Variants in PSD observed in about 807,000 individuals in gnomAD.
The protein encoded by PSD is pleckstrin and Sec7 domain containing, also known as PH and SEC7 domain-containing protein 1.
In PSD, 32 loss-of-function variants were observed where a neutral mutation model predicts 91.6. The ratio of observed to expected loss-of-function variants is 0.35; its 90% CI spans 0.26 to 0.47. The LOEUF is 0.47. Ranked by LOEUF, PSD falls within the 20% of genes least tolerant of loss-of-function variation. PSD has a pLI of 1.00. For missense variants in PSD, 1,099 were observed against 1,373.9 expected (o/e 0.80, Z 3.16); for synonymous variants, 532 against 569.3 (o/e 0.93, Z 0.93).
At position 102,404,825 on chromosome 10, in the gene PSD, TC is replaced by T; in HGVS notation, c.2555+72del. On this transcript the variant is annotated intron_variant, in intron 14 of 16. Coordinates refer to ENST00000020673, the MANE Select transcript of PSD (RefSeq NM_002779.5). This position sits in a 1 kb window ranked among gnomAD's most constrained non-coding sequence, Gnocchi z 5.7. Reference sequence around the variant, plus strand: ...TGTGGCCTGAGAAGGAATGAAAAAATCCAGGGACAGGGAGGGGAGCAGGATG... The same window carrying T: ...TGTGGCCTGAGAAGGAATGAAAAAATCAGGGACAGGGAGGGGAGCAGGATG... The T allele has an allele frequency of 6.4e-7, 1 of 1,574,176 alleles. No homozygotes were observed. Among genetic ancestry groups the T allele is most frequent in the African/African-American group, 1.4e-5 (1 of 72,946 alleles).
chr10:102,417,060 G>C lies in PSD; in HGVS notation c.-22C>G, dbSNP rs755781441. 9 of 1,481,924 alleles carry C rather than the reference G, an allele frequency of 6.1e-6. No individual in the cohort carries two copies. The highest frequency in any genetic ancestry group is 5.4e-6 in the Non-Finnish European group (6 of 1,102,880). The allele number at this position is 1,481,924 out of a possible 1,614,324, so 91.8% of individuals were successfully genotyped here. A position where few individuals can be genotyped will look rare whatever the true frequency, so the allele number is the denominator to read the frequency against. On this transcript the variant is annotated 5_prime_UTR_variant, in exon 2 of 17. Coordinates refer to ENST00000020673, the MANE Select transcript of PSD (RefSeq NM_002779.5). ...CCATGCTGGGGCCGGGGGTCAGGCT[G>C]GGGGGGCAGGGATGGCGAGGCCAGG...
At chr10:102,415,954 T>C in intron 3 of PSD, 63 bp downstream of exon 3, 8 of 1,309,154 alleles carry the variant, frequency 6.1e-6, no homozygotes. Flanking sequence ...GGCTCCCTAC[T>C]GAGCCTCAGC....
At position 102,416,910 on chromosome 10, in the gene PSD, T is replaced by C; in HGVS notation, c.129A>G (p.Thr43=). The part of the protein sequence containing the change: ...QSPPASMYGS[T]GSLLRRVAGP... ...CTGCCACTCGCCGTAGCAAGGAGCC[T>C]GTGCTGCCATACATGCTGGCTGGGG... Residue 43 remains threonine (T), a synonymous_variant, in exon 2 of 17, where the codon ACA becomes ACG. Transcript: ENST00000020673. The surrounding 1 kb of genome is among the most constrained non-coding windows in gnomAD (Gnocchi z 6.0). 1 of 1,607,548 alleles carries C rather than the reference T, an allele frequency of 6.2e-7. No homozygotes were observed. Among genetic ancestry groups the C allele is most frequent in the East Asian group, 2.2e-5 (1 of 44,846 alleles).
rs779749956 is a variant in PSD, at chr10:102,415,213, C to T, written c.774G>A (p.Glu258=). The T allele has an allele frequency of 3.7e-6, 6 of 1,609,590 alleles. No individual in the cohort carries two copies. Among genetic ancestry groups the T allele is most frequent in the Admixed American group, 1.7e-5 (1 of 59,946 alleles). The change falls in exon 4 of 17, where the codon GAG becomes GAA. Residue 258 remains glutamate (E), a synonymous_variant. Transcript: ENST00000020673. ...DPPSSGAKPP[E]QAPPSPPGVG... ...CCCCAGGTGGAGATGGGGGGGCCTG[C>T]TCTGGGGGCTTAGCACCTGTAGTGT...
intron 5 of PSD, among the ~76,000 whole-genome samples, 167 bp from the exon 6 acceptor site, chr10:102,412,742 C>T (rs2061437038): frequency 6.6e-6 from 1 of 152,156 alleles, no homozygotes; most frequent in African/African-American, 2.4e-5. Context: ...CTCCATCAGC[C>T]TACTCCATCA....
Position 102,405,818 on chromosome 10 carries a change from T to A in PSD, c.2136-282A>T. 1 of 380,534 alleles carries A rather than the reference T, an allele frequency of 2.6e-6. No homozygotes were observed. Among genetic ancestry groups the A allele is most frequent in the Non-Finnish European group, 4.8e-6 (1 of 207,810 alleles). 23.6% of individuals were successfully genotyped at this position (380,534 alleles called of 1,614,324 possible). ...ACTATCCTCTCCATTGCTGCACACC[T>A]GCAGCCCTCACACCCTTCTCCACCA... is the stretch of plus-strand genomic sequence containing the variant. On this transcript the variant is annotated intron_variant, in intron 11 of 16. Transcript: ENST00000020673. The surrounding 1 kb of genome is among the most constrained non-coding windows in gnomAD (Gnocchi z 5.4).
chr10:102,411,144 G>T, intron 8 of PSD, 28 bp from the exon 9 acceptor site: 1 of 1,586,876 alleles, frequency 6.3e-7, no homozygotes, highest in Non-Finnish European at 8.6e-7. Context: ...TTCAGCCTTG[G>T]CTGCCTCCCA....
Position 102,416,411 on chromosome 10 carries a change from G to A in PSD, c.628C>T (p.Pro210Ser). The part of the protein sequence containing the change: ...PERLATLFGG[P>S]ADTGFLNQGD... ...TGGTTCAGGAATCCAGTGTCAGCAG[G>A]TCCTCCGAAGAGTGTGGCCAGGCGC... Residue 210 changes from proline (P) to serine (S), a missense_variant, in exon 2 of 17, where the codon CCT becomes TCT. Pro to Ser is a moderately conservative substitution (Grantham distance 74). Coordinates refer to ENST00000020673, the MANE Select transcript of PSD (RefSeq NM_002779.5). This position sits in a 1 kb window ranked among gnomAD's most constrained non-coding sequence, Gnocchi z 6.0. 1.2e-6 allele frequency: 2 copies of A among 1,606,680 alleles called. No individual in the cohort carries two copies. Among genetic ancestry groups the A allele is most frequent in the Admixed American group, 1.7e-5 (1 of 58,438 alleles).
chr10:102,404,967 T>C lies in PSD; in HGVS notation c.2486A>G (p.Asp829Gly). 6.2e-7 allele frequency: 1 copy of C among 1,614,104 alleles called. No individual in the cohort carries two copies. Among genetic ancestry groups the C allele is most frequent in the Admixed American group, 1.7e-5 (1 of 60,008 alleles). The change falls in exon 14 of 17, where the codon GAC becomes GGC. Residue 829 changes from aspartate to glycine, a missense_variant. Asp to Gly is a moderately conservative substitution (Grantham distance 94). Coordinates refer to ENST00000020673, the MANE Select transcript of PSD (RefSeq NM_002779.5). This position sits in a 1 kb window ranked among gnomAD's most constrained non-coding sequence, Gnocchi z 5.7. The part of the protein sequence containing the change: ...IHHALATRAS[D>G]YSKRPHVFYL... Reference sequence around the variant, plus strand: ...GAAGACGTGGGGCCTCTTGCTGTAGTCACTGGCACGAGTGGCCAGGGCATG... The same window carrying C: ...GAAGACGTGGGGCCTCTTGCTGTAGCCACTGGCACGAGTGGCCAGGGCATG...
rs930670862 is a variant in PSD, at chr10:102,404,592, G to A, written c.2691C>T (p.Arg897=). Residue 897 remains arginine, a synonymous_variant, in exon 15 of 17, where the codon CGC becomes CGT. Transcript: ENST00000020673. The surrounding 1 kb of genome is among the most constrained non-coding windows in gnomAD (Gnocchi z 5.7). The part of the protein sequence containing the change: ...SRPLLPSAAT[R]LSQEEQVRTH... ...ACAGAGCTTGGGCTACCTGGGAGAG[G>A]CGGGTGGCAGCGCTGGGCAGGAGAG... The A allele has an allele frequency of 8.1e-6, 13 of 1,610,368 alleles. No homozygotes were observed. The African/African-American group carries it at 1.6e-4, about 20-fold the overall frequency.
At chr10:102,408,827 T>C (rs1044560819) in intron 10 of PSD, 17 of 960,534 alleles carry the variant, frequency 1.8e-5, no homozygotes, top group Admixed American at 6.2e-5. Flanking sequence ...CCGCCCTCGG[T>C]GCCTCCCACA....
chr10:102,411,063 C>T lies in PSD; in HGVS notation c.1996G>A (p.Gly666Ser). 1 of 1,613,040 alleles carries T rather than the reference C, an allele frequency of 6.2e-7. No homozygotes were observed. The highest frequency in any genetic ancestry group is 8.5e-7 in the Non-Finnish European group (1 of 1,179,212). ...ALMLLNTDLH[G>S]HNIGKRMTCG... is the part of the protein sequence containing the mutation. ...GCCCGCCCGCCTCCACTCACATGGCCGTGGAGATCCGTGTTGAGCAGCATG... is the reference window on the plus strand; with the variant it reads ...GCCCGCCCGCCTCCACTCACATGGCTGTGGAGATCCGTGTTGAGCAGCATG... The change falls in exon 9 of 17, where the codon GGC becomes AGC. Residue 666 changes from glycine (G) to serine (S), a missense_variant. Gly to Ser is a moderately conservative substitution (Grantham distance 56). Transcript: ENST00000020673.
chr10:102,416,311 A>C lies in PSD; in HGVS notation c.654+74T>G. On this transcript the variant is annotated intron_variant, in intron 2 of 16. Transcript: ENST00000020673. This position sits in a 1 kb window ranked among gnomAD's most constrained non-coding sequence, Gnocchi z 6.0. ...AAAGGATTCAGAGTGAACAGCAGAC[A>C]AGCCCATGTCTGACAGGAGGCTGAG... The C allele has an allele frequency of 2.7e-6, 4 of 1,498,442 alleles. No homozygotes were observed. The highest frequency in any genetic ancestry group is 3.6e-6 in the Non-Finnish European group (4 of 1,103,366). The allele number at this position is 1,498,442 out of a possible 1,614,324, so 92.8% of individuals were successfully genotyped here.
At position 102,412,363 on chromosome 10, in the gene PSD, C is replaced by T. The variant is rs1184066245; in HGVS notation, c.1748+18G>A. 1 of 1,612,794 alleles carries T rather than the reference C, an allele frequency of 6.2e-7. No individual in the cohort carries two copies. The highest frequency in any genetic ancestry group is 1.3e-5 in the African/African-American group (1 of 75,034). The stretch of plus-strand genomic sequence containing the variant: ...ATTCCCTCTGCCCCCATCCTCAGTC[C>T]CAGCCTAGTGGCTTTACTTCTTGCC... On this transcript the variant is annotated intron_variant, in intron 6 of 16. Coordinates refer to ENST00000020673, the MANE Select transcript of PSD (RefSeq NM_002779.5).
In PSD at chr10:102,415,140, A is replaced by C. The variant is rs1214434294; in HGVS notation, c.847T>G (p.Tyr283Asp). ...ACCGTGTCCAGGTCTGTCTCGGAGT[A>C]CTTGGCTGCTCGCCCCACAGCCACC... ...SGVAVGRAAK[Y>D]SETDLDTVPL... The change falls in exon 4 of 17, where the codon TAC (tyrosine) becomes GAC (aspartate). Residue 283 changes from tyrosine (Y) to aspartate (D), a missense_variant. Tyr to Asp is a radical substitution (Grantham distance 160, BLOSUM62 -3). Transcript: ENST00000020673. 1.2e-6 allele frequency: 2 copies of C among 1,613,624 alleles called. No homozygotes were observed. The highest frequency in any genetic ancestry group is 1.7e-6 in the Non-Finnish European group (2 of 1,180,000).
Position 102,405,542 on chromosome 10 carries a change from G to A in PSD, c.2136-6C>T. The A allele has an allele frequency of 6.2e-7, 1 of 1,609,632 alleles. No individual in the cohort carries two copies. The highest frequency in any genetic ancestry group is 8.5e-7 in the Non-Finnish European group (1 of 1,177,142). On this transcript the variant is annotated splice_region_variant and splice_polypyrimidine_tract_variant and intron_variant, in intron 11 of 16. Transcript: ENST00000020673. The surrounding 1 kb of genome is among the most constrained non-coding windows in gnomAD (Gnocchi z 5.4). Reference sequence around the variant, plus strand: ...GTCTCAGCTCCTCCTCGTCTCTGCAGGTGTGATCACCTCAGAGGGGGCTGG... The same window carrying A: ...GTCTCAGCTCCTCCTCGTCTCTGCAAGTGTGATCACCTCAGAGGGGGCTGG...
rs188652801 is a variant in PSD at position 102,417,276 on chromosome 10, T to G, written c.-83-155A>C. The stretch of plus-strand genomic sequence containing the variant: ...GATCATTGATCCCACGCCTGGGGAC[T>G]ACTTCCATAGAGGCCTGACGAGAAA... On this transcript the variant is annotated intron_variant, in intron 1 of 16. Coordinates refer to ENST00000020673, the MANE Select transcript of PSD (RefSeq NM_002779.5). 3.9e-3 allele frequency among the ~76,000 whole-genome samples: 591 copies of G among 152,184 alleles called. 2 individuals are homozygous for G. Among genetic ancestry groups the G allele is most frequent in the African/African-American group, 0.012 (494 of 41,498 alleles).
At chr10:102,406,585 G>A (rs2061363779) in intron 11 of PSD, among the ~76,000 whole-genome samples, 2 of 148,770 alleles carry the variant, frequency 1.3e-5, no homozygotes, top group Non-Finnish European at 3.0e-5. Flanking sequence ...TCGGCTCACT[G>A]CAAGCTCCAC....
chr10:102,412,007 C>T (rs1054940501), intron 7 of PSD, 140 bp downstream of exon 7: 21 of 1,086,488 alleles, frequency 1.9e-5, no homozygotes, highest in Non-Finnish European at 3.0e-5. Context: ...GCAGCTCTGG[C>T]CCTTGGCCAT....
Sources: gnomAD v4.1 joint callset for allele counts (sites outside exome capture counted in the v4.1 genomes callset) on GRCh38, gnomAD v4.1.1 for gene constraint, Gnocchi (gnomAD v3.1) non-coding constraint, MANE v1.5 for transcripts, NCBI Gene and HGNC (gene_info 2026-07-23, HGNC 2026-07-21) for gene names.